The following SDK2 variants were observed in gnomAD, a reference collection of about 807,000 sequenced individuals.
SDK2 encodes sidekick cell adhesion molecule 2.
Under a neutral mutation model 253.9 loss-of-function variants are expected in SDK2, and 105 were observed. The observed-to-expected ratio is 0.41, with a 90% confidence interval of 0.35 to 0.49. The LOEUF (loss-of-function observed/expected upper bound fraction) is 0.49, where lower values mean the gene tolerates loss of function less well. Ranked by LOEUF, SDK2 falls within the 20% of genes least tolerant of loss-of-function variation. The pLI, the probability that SDK2 is intolerant of heterozygous loss-of-function variation, is 0.06. For synonymous variants in SDK2, 1,249 were observed against 1,234.9 expected, an observed-to-expected ratio of 1.01 and a Z score of -0.24; for missense variants, 2,608 against 3,003.0, an observed-to-expected ratio of 0.87 and a Z score of 3.07.
rs1024986257 is a variant in SDK2 at position 73,404,495 on chromosome 17, G to A, written c.2485-2354C>T. ...GTGCCTGGCCTTATTTAATCATCACGATGAGGAGCAGATGGAAATCATTGT... is the reference window on the plus strand; with the variant it reads ...GTGCCTGGCCTTATTTAATCATCACAATGAGGAGCAGATGGAAATCATTGT... On this transcript the variant is annotated intron_variant, in intron 18 of 44. Transcript: ENST00000392650. 5.3e-5 allele frequency among the ~76,000 whole-genome samples: 8 copies of A among 152,272 alleles called. 1 individual carries two copies. Among genetic ancestry groups the A allele is most frequent in the South Asian group, 4.1e-4 (2 of 4,826 alleles).
chr17:73,454,028 ATACT>A lies in SDK2; in HGVS notation c.479+1874_479+1877del, dbSNP rs1394323849. 2.0e-5 allele frequency among the ~76,000 whole-genome samples: 3 copies of A among 152,352 alleles called. No individual in the cohort carries two copies. In the East Asian group the frequency reaches 5.8e-4, roughly 29 times the overall value. ...TATTTAGATATGTTTATTTATACAA[ATACT>A]TACCATTGTGTTACAATTGCCTACA... On this transcript the variant is annotated intron_variant, in intron 4 of 44. Transcript: ENST00000392650.
intron 1 of SDK2, among the ~76,000 whole-genome samples, chr17:73,529,200 TGAGTGGGAACCGGG>T (rs2145799712): frequency 6.6e-6 from 1 of 152,248 alleles, no homozygotes; most frequent in Non-Finnish European, 1.5e-5. Context: ...AAAGCATGCA[TGAGTGGGAACCGGG>T]GAGTCCTACA....
chr17:73,358,653 T>C (rs1319736491), intron 39 of SDK2, among the ~76,000 whole-genome samples: 1 of 151,972 alleles, frequency 6.6e-6, no homozygotes, highest in Non-Finnish European at 1.5e-5. Flanking sequence ...AGTGGGCCCA[T>C]GAGAGGAGGG....
In SDK2 at chr17:73,379,569, AG is replaced by A; in HGVS notation, c.4763-21del. On this transcript the variant is annotated intron_variant, in intron 34 of 44. Coordinates refer to ENST00000392650, the MANE Select transcript of SDK2 (RefSeq NM_001144952.2). This position sits in a 1 kb window ranked among gnomAD's most constrained non-coding sequence, Gnocchi z 4.5. ...TCAGGTCTGTGGGGGAGAGTGGGGG[AG>A]GGGAAGCACACTGAGGTCACCGTCA... 6.7e-7 allele frequency: 1 copy of A among 1,486,586 alleles called. No homozygotes were observed. Among genetic ancestry groups the A allele is most frequent in the Admixed American group, 1.7e-5 (1 of 57,282 alleles). The allele number at this position is 1,486,586 out of a possible 1,614,324, so 92.1% of individuals were successfully genotyped here.
Position 73,401,942 on chromosome 17 carries a change from C to T in SDK2, c.2680+4G>A, listed in dbSNP as rs1282373704. The T allele has an allele frequency of 1.3e-6, 2 of 1,596,750 alleles. No homozygotes were observed. Among genetic ancestry groups the T allele is most frequent in the Non-Finnish European group, 1.7e-6 (2 of 1,170,400 alleles). On this transcript the variant is annotated splice_donor_region_variant and intron_variant, in intron 19 of 44. Transcript: ENST00000392650. The stretch of plus-strand genomic sequence containing the variant: ...CAGAAAGAGCAGGGCTGGGGGGTGC[C>T]TACCATCCTCATGGGTGCGCACCAG...
intron 1 of SDK2, among the ~76,000 whole-genome samples, chr17:73,540,512 A>C (rs1230261229): frequency 6.6e-6 from 1 of 152,194 alleles, no homozygotes; most frequent in Non-Finnish European, 1.5e-5. Context: ...AGAATATGGG[A>C]CTAGGTATGA....
intron 1 of SDK2, among the ~76,000 whole-genome samples, chr17:73,515,720 C>G (rs543248334): frequency 6.6e-6 from 1 of 152,220 alleles, no homozygotes; most frequent in African/African-American, 2.4e-5. Flanking sequence ...GCCCTGCTCC[C>G]GAGGAACCAC....
At chr17:73,597,877 C>T (rs746079489) in intron 1 of SDK2, among the ~76,000 whole-genome samples, 54 of 152,242 alleles carry the variant, frequency 3.5e-4, no homozygotes, top group Admixed American at 5.9e-4. Flanking sequence ...GATCTCCTGA[C>T]CTCGTGATCC....
chr17:73,370,739 G>A (rs1270680621), intron 36 of SDK2, among the ~76,000 whole-genome samples: 7 of 152,120 alleles, frequency 4.6e-5, no homozygotes, highest in East Asian at 3.9e-4. Flanking sequence ...CGTAGAGATG[G>A]GGATTTCTTT....
chr17:73,387,906 G>T lies in SDK2; in HGVS notation c.4324C>A (p.Leu1442Met). 6.3e-7 allele frequency: 1 copy of T among 1,591,828 alleles called. No homozygotes were observed. The highest frequency in any genetic ancestry group is 8.5e-7 in the Non-Finnish European group (1 of 1,169,892). Residue 1442 changes from leucine to methionine, a missense_variant, in exon 30 of 45, where the codon CTG (leucine) becomes ATG (methionine). Physicochemically the swap from Leu to Met is conservative, Grantham distance 15. Coordinates refer to ENST00000392650, the MANE Select transcript of SDK2 (RefSeq NM_001144952.2). Reference sequence around the variant, plus strand: ...TGCAGTGCCCACCTGCCGCTGGGCAGCTCGCGGGTCTGGATGGTGTAGTAG... The same window carrying T: ...TGCAGTGCCCACCTGCCGCTGGGCATCTCGCGGGTCTGGATGGTGTAGTAG... ...VRYYTIQTRE[L>M]PSGRWALHSA...
At chr17:73,349,777 T>C (rs988918833) in intron 43 of SDK2, among the ~76,000 whole-genome samples, 2 of 152,148 alleles carry the variant, frequency 1.3e-5, no homozygotes, top group African/African-American at 2.4e-5. Flanking sequence ...CAGGAGGGCA[T>C]AGCGATAATG....
chr17:73,617,775 A>G (rs1033032659), intron 1 of SDK2, among the ~76,000 whole-genome samples: 5 of 152,184 alleles, frequency 3.3e-5, no homozygotes, highest in Admixed American at 2.0e-4. Flanking sequence ...TAACTAAAGA[A>G]TTCCCAATTC....
intron 1 of SDK2, among the ~76,000 whole-genome samples, chr17:73,590,348 G>A (rs1009605871): frequency 8.5e-5 from 13 of 152,168 alleles, no homozygotes; most frequent in Non-Finnish European, 1.5e-4. Flanking sequence ...CCCGGCATTC[G>A]CTTCCCCTGT....
intron 1 of SDK2, among the ~76,000 whole-genome samples, chr17:73,563,711 G>T (rs1343406710): frequency 6.6e-6 from 1 of 152,120 alleles, no homozygotes; most frequent in East Asian, 1.9e-4. Flanking sequence ...TATTTTGGGG[G>T]CAGGGTTGAG....
At chr17:73,369,248 C>A in intron 36 of SDK2, 1 of 456,600 alleles carries the variant, frequency 2.2e-6, no homozygotes, top group East Asian at 7.1e-5. Context: ...GGAGATAAGG[C>A]AGTGTGGAGT....
intron 1 of SDK2, among the ~76,000 whole-genome samples, chr17:73,582,816 C>T (rs1335742156): frequency 1.3e-5 from 2 of 152,232 alleles, no homozygotes; most frequent in African/African-American, 2.4e-5. Context: ...TGCTCCCCCA[C>T]AGCATTGCAC....
intron 1 of SDK2, among the ~76,000 whole-genome samples, chr17:73,588,820 C>T (rs527595611): frequency 1.3e-5 from 2 of 152,388 alleles, no homozygotes; most frequent in East Asian, 3.9e-4. Flanking sequence ...AGCACAGCAG[C>T]TCTGGGTGAC....
In SDK2 at chr17:73,422,358, T is replaced by C. The variant is rs1299798836; in HGVS notation, c.1974A>G (p.Ala658=). The C allele has an allele frequency of 6.2e-7, 1 of 1,613,944 alleles. No homozygotes were observed. Among genetic ancestry groups the C allele is most frequent in the South Asian group, 1.1e-5 (1 of 91,070 alleles). Residue 658 remains alanine, a synonymous_variant, in exon 15 of 45, where the codon GCA becomes GCG. Transcript: ENST00000392650. ...CACAAAGACGGAACTGGTAGGAGCG[T>C]GCAGGAACCAGGCCCTTGACTGTCA... ...TSVTVKGLVP[A]RSYQFRLCAV... is the part of the protein sequence containing the mutation.
At chr17:73,508,879 A>C (rs910175406) in intron 1 of SDK2, among the ~76,000 whole-genome samples, 2 of 152,210 alleles carry the variant, frequency 1.3e-5, no homozygotes, top group Non-Finnish European at 2.9e-5. Flanking sequence ...TGAGCCTTGC[A>C]TTTGACAGAT....
Sources: gnomAD v4.1 joint callset for allele counts (sites outside exome capture counted in the v4.1 genomes callset) on GRCh38, gnomAD v4.1.1 for gene constraint, Gnocchi (gnomAD v3.1) non-coding constraint, MANE v1.5 for transcripts, NCBI Gene and HGNC (gene_info 2026-07-23, HGNC 2026-07-21) for gene names.